PPA1: variants seen among roughly 807,000 people sequenced by gnomAD.
PPA1 encodes the protein inorganic pyrophosphatase 1, also known as inorganic pyrophosphatase.
A neutral mutation model predicts 41.8 loss-of-function variants in PPA1; 23 were observed. The observed-to-expected ratio is 0.55, with a 90% CI of 0.40 to 0.78. The LOEUF (loss-of-function observed/expected upper bound fraction) is 0.78. PPA1 is among the 30% of genes least tolerant of loss of function. The pLI is 0.00. For missense variants in PPA1, 320 were observed against 361.6 expected, an observed-to-expected ratio of 0.89 and a Z score of 0.93; for synonymous variants, 101 against 116.8, an observed-to-expected ratio of 0.86 and a Z score of 0.87.
At chr10:70,206,749 C>A (rs563212444) in intron 8 of PPA1, among the ~76,000 whole-genome samples, 142 of 151,154 alleles carry the variant, frequency 9.4e-4, no homozygotes, top group African/African-American at 3.2e-3. Context: ...GAGGCTGAGG[C>A]AGGAGAATCG....
intron 10 of PPA1, chr10:70,204,305 T>A (rs943850985): frequency 5.9e-5 from 9 of 152,200 alleles, no homozygotes; most frequent in African/African-American, 2.2e-4. Flanking sequence ...GATGGGAGAA[T>A]CACTTTAACT....
At chr10:70,214,964 G>A (rs1354519186) in intron 4 of PPA1, among the ~76,000 whole-genome samples, 1 of 152,190 alleles carries the variant, frequency 6.6e-6, no homozygotes, top group Non-Finnish European at 1.5e-5. Context: ...GGAGGCTGAG[G>A]AGAGTGGATC....
In PPA1 at chr10:70,206,653, G is replaced by A. The variant is rs547427642; in HGVS notation, c.726-320C>T. On this transcript the variant is annotated intron_variant, in intron 8 of 10. Transcript: ENST00000373232. ...GAGGTCAAGAGATCGAGACCATCCTGGCCAACACGGTGAAACCCCATCTCT... is the reference window on the plus strand; with the variant it reads ...GAGGTCAAGAGATCGAGACCATCCTAGCCAACACGGTGAAACCCCATCTCT... 5.2e-3 allele frequency among the ~76,000 whole-genome samples: 781 copies of A among 151,630 alleles called. 5 individuals carry two copies. Among genetic ancestry groups the A allele is most frequent in the Non-Finnish European group, 8.6e-3 (584 of 67,946 alleles).
At chr10:70,230,240 G>A (rs1031649706) in intron 2 of PPA1, 101 bp downstream of exon 2, 68 of 1,346,858 alleles carry the variant, frequency 5.0e-5, no homozygotes, top group African/African-American at 4.7e-4. Flanking sequence ...ACAGCACAAC[G>A]AGGCATTTTA....
chr10:70,232,866 C>T (rs1455625026), intron 1 of PPA1, among the ~76,000 whole-genome samples: 1 of 151,482 alleles, frequency 6.6e-6, no homozygotes, highest in African/African-American at 2.5e-5. Context: ...CCCCCCCGGC[C>T]CGGAGTCGCC....
intron 10 of PPA1, chr10:70,204,633 A>G (rs893883202): frequency 7.2e-6 from 3 of 414,368 alleles, no homozygotes; most frequent in African/African-American, 6.2e-5. Flanking sequence ...CATCTATTTC[A>G]AAATTGCTAA....
chr10:70,224,804 C>T lies in PPA1; in HGVS notation c.123+5537G>A, dbSNP rs372634686. 9.2e-5 allele frequency among the ~76,000 whole-genome samples: 14 copies of T among 152,310 alleles called. No individual in the cohort carries two copies. In the South Asian group the frequency reaches 2.7e-3, roughly 29 times the overall value. ...GGAGCACAATGGTGCAATCTCGGCT[C>T]ACTGCAACCTCCGTCTCCCGGGTTC... On this transcript the variant is annotated intron_variant, in intron 2 of 10. Coordinates refer to ENST00000373232, the MANE Select transcript of PPA1 (RefSeq NM_021129.4).
At chr10:70,219,505 C>T (rs1322409855) in intron 2 of PPA1, among the ~76,000 whole-genome samples, 1 of 152,152 alleles carries the variant, frequency 6.6e-6, no homozygotes, top group East Asian at 1.9e-4. Context: ...CCACATCAGC[C>T]TAATTACTTG....
chr10:70,225,023 G>A (rs1266291440), intron 2 of PPA1, among the ~76,000 whole-genome samples: 4 of 152,110 alleles, frequency 2.6e-5, no homozygotes, highest in African/African-American at 9.7e-5. Flanking sequence ...GAGCCACCGC[G>A]CCCAGCATTG....
rs774599020 is a variant in PPA1, at chr10:70,209,318, A to T, written c.640-28T>A. The stretch of plus-strand genomic sequence containing the variant: ...ATAATTTGAAGAGGTTTGCATTACA[A>T]TGATAAAAAGGTATTATTTTCCTAT... On this transcript the variant is annotated intron_variant, in intron 7 of 10. Coordinates refer to ENST00000373232, the MANE Select transcript of PPA1 (RefSeq NM_021129.4). 4 of 1,505,470 alleles carry T rather than the reference A, an allele frequency of 2.7e-6. No homozygotes were observed. The South Asian group carries it at 4.6e-5, about 17-fold the overall frequency. The allele number at this position is 1,505,470 out of a possible 1,614,324, so 93.3% of individuals were successfully genotyped here. A position where few individuals can be genotyped will look rare whatever the true frequency, so the allele number is the denominator to read the frequency against.
intron 2 of PPA1, among the ~76,000 whole-genome samples, chr10:70,229,587 C>G (rs1309635506): frequency 6.6e-6 from 1 of 152,030 alleles, no homozygotes; most frequent in East Asian, 1.9e-4. Context: ...TGTATTAACT[C>G]TATCTTAACT....
At chr10:70,227,486 C>T (rs989005299) in intron 2 of PPA1, among the ~76,000 whole-genome samples, 4 of 151,654 alleles carry the variant, frequency 2.6e-5, no homozygotes, top group African/African-American at 9.7e-5. Flanking sequence ...CCTGTCTCTA[C>T]AAAAAAATAG....
Position 70,233,305 on chromosome 10 carries a change from T to C in PPA1, c.23A>G (p.Glu8Gly). 2 of 1,541,474 alleles carry C rather than the reference T, an allele frequency of 1.3e-6. No homozygotes were observed. The highest frequency in any genetic ancestry group is 1.2e-5 in the South Asian group (1 of 82,874). ...CTCCAGGGAGAAGGGCGCGGCGCGC[T>C]CCTCGGTGCTGAAGCCGCTCATAGT... MSGFSTE[E>G]RAAPFSLEYR... Residue 8 changes from glutamate (E) to glycine (G), a missense_variant, in exon 1 of 11, where the codon GAG becomes GGG. Physicochemically the swap from Glu to Gly is moderately conservative, Grantham distance 98. Transcript: ENST00000373232.
chr10:70,233,221 TGGGCGGAC>T, intron 1 of PPA1, 35 bp downstream of exon 1: 1 of 1,521,844 alleles, frequency 6.6e-7, no homozygotes, highest in Non-Finnish European at 8.8e-7. Context: ...CGGGAATGAA[TGGGCGGAC>T]GGGCGCGGAG....
Position 70,209,263 on chromosome 10 carries a change from T to G in PPA1, c.667A>C (p.Thr223Pro). Reference sequence around the variant, plus strand: ...ACTAATGCTTTCCAATGGTCATGAGTGCTTTTAATAATATCAATGGCAAAG... The same window carrying G: ...ACTAATGCTTTCCAATGGTCATGAGGGCTTTTAATAATATCAATGGCAAAG... ...KDFAIDIIKS[T>P]HDHWKALVTK... The change falls in exon 8 of 11, where the codon ACT becomes CCT. Residue 223 changes from threonine (T) to proline (P), a missense_variant. Transcript: ENST00000373232. The G allele has an allele frequency of 6.3e-7, 1 of 1,599,810 alleles. No homozygotes were observed. The highest frequency in any genetic ancestry group is 8.6e-7 in the Non-Finnish European group (1 of 1,167,756).
At chr10:70,224,247 A>C (rs1840205173) in intron 2 of PPA1, among the ~76,000 whole-genome samples, 1 of 51,084 alleles carries the variant, frequency 2.0e-5, no homozygotes. Context: ...CTGTCTCTAC[A>C]AAAAAAAAAA....
chr10:70,216,644 T>C (rs1043201710), intron 4 of PPA1, among the ~76,000 whole-genome samples: 7 of 152,260 alleles, frequency 4.6e-5, no homozygotes, highest in Non-Finnish European at 8.8e-5. Flanking sequence ...CAGACTTCAT[T>C]GTTAATAAAA....
At chr10:70,221,724 A>T (rs548534980) in intron 2 of PPA1, among the ~76,000 whole-genome samples, 1 of 152,338 alleles carries the variant, frequency 6.6e-6, no homozygotes, top group Non-Finnish European at 1.5e-5. Context: ...AGCTGTTACG[A>T]CATGAAAGAT....
At chr10:70,206,384 C>T (rs1439499872) in intron 8 of PPA1, 51 bp from the exon 9 acceptor site, 1 of 1,368,810 alleles carries the variant, frequency 7.3e-7, no homozygotes, top group East Asian at 2.3e-5. Context: ...AAAATTATCT[C>T]TTAAGAGTTA....
Sources: allele counts gnomAD v4.1 joint callset (sites outside exome capture counted in the v4.1 genomes callset), GRCh38; gene constraint gnomAD v4.1.1; transcripts MANE v1.5; gene names NCBI Gene and HGNC (gene_info 2026-07-23, HGNC 2026-07-21).